Variants in RAI14 observed in about 807,000 individuals in gnomAD.
RAI14 encodes ankycorbin.
RAI14 carries 45 observed loss-of-function variants against 115.4 expected under a neutral mutation model. The observed-to-expected ratio is 0.39, with a 90% confidence interval of 0.31 to 0.50. The LOEUF (loss-of-function observed/expected upper bound fraction) is 0.50, where lower values mean the gene tolerates loss of function less well. Ranked by LOEUF, RAI14 falls within the 20% of genes least tolerant of loss-of-function variation. The pLI, the probability that RAI14 is intolerant of heterozygous loss-of-function variation, is 0.85. For missense variants in RAI14, 939 were observed against 1,131.2 expected, an observed-to-expected ratio of 0.83 and a Z score of 2.44; for synonymous variants, 371 against 415.4, an observed-to-expected ratio of 0.89 and a Z score of 1.30.
chr5:34,724,208 C>G (rs1403702770), intron 2 of RAI14, among the ~76,000 whole-genome samples: 1 of 151,806 alleles, frequency 6.6e-6, no homozygotes, highest in South Asian at 2.1e-4. Context: ...TAGAGTCGGG[C>G]TTTCACCATG....
intron 3 of RAI14, among the ~76,000 whole-genome samples, chr5:34,762,177 C>T (rs1434625700): frequency 6.6e-6 from 1 of 152,076 alleles, no homozygotes; most frequent in African/African-American, 2.4e-5. Context: ...CTGATAATAT[C>T]TTATGGGTAA....
chr5:34,814,753 A>C, intron 12 of RAI14, 84 bp downstream of exon 12: 1 of 1,056,016 alleles, frequency 9.5e-7, no homozygotes, highest in Admixed American at 1.8e-5. Context: ...ACTGGGAAAA[A>C]CAGAATATAC....
intron 1 of RAI14, among the ~76,000 whole-genome samples, chr5:34,678,949 A>G (rs965846490): frequency 7.9e-5 from 12 of 152,202 alleles, no homozygotes; most frequent in Non-Finnish European, 1.6e-4. Flanking sequence ...TCCATAGGAA[A>G]CACATATTAA....
chr5:34,825,661 G>T (rs145954129), intron 15 of RAI14, among the ~76,000 whole-genome samples: 2 of 152,004 alleles, frequency 1.3e-5, no homozygotes, highest in Non-Finnish European at 2.9e-5. Flanking sequence ...GGTGCTGGCC[G>T]TGCTGCTGGA....
intron 1 of RAI14, among the ~76,000 whole-genome samples, chr5:34,682,671 G>A (rs970264580): frequency 1.3e-5 from 2 of 152,092 alleles, no homozygotes; most frequent in African/African-American, 4.8e-5. Context: ...CATATTTCAG[G>A]GACTTATTTT....
intron 2 of RAI14, among the ~76,000 whole-genome samples, chr5:34,724,039 G>A (rs1424175701): frequency 2.0e-5 from 3 of 151,960 alleles, no homozygotes; most frequent in South Asian, 2.1e-4. Flanking sequence ...TTTTTGAGAC[G>A]GAGTTTTCAC....
chr5:34,747,734 G>A (rs774640482), intron 2 of RAI14, among the ~76,000 whole-genome samples: 1 of 152,184 alleles, frequency 6.6e-6, no homozygotes. Flanking sequence ...TTCTTAAAGA[G>A]GTTAATTAAT....
In RAI14 at chr5:34,827,759, G is replaced by A. The variant is rs566222070; in HGVS notation, c.2799+1280G>A. On this transcript the variant is annotated intron_variant, in intron 16 of 17. Coordinates refer to ENST00000265109, the MANE Select transcript of RAI14 (RefSeq NM_015577.3). This position sits in a 1 kb window ranked among gnomAD's most constrained non-coding sequence, Gnocchi z 4.2. ...TTTATACAGTAATTCTTATAATTACGCAACATGTGTTTGTTGAGCTCTTAC... is the reference window on the plus strand; with the variant it reads ...TTTATACAGTAATTCTTATAATTACACAACATGTGTTTGTTGAGCTCTTAC... Among the ~76,000 whole-genome samples the A allele has an allele frequency of 1.8e-4, 27 of 152,274 alleles. No individual in the cohort carries two copies. In the East Asian group the frequency reaches 4.2e-3, roughly 24 times the overall value.
intron 2 of RAI14, among the ~76,000 whole-genome samples, chr5:34,746,347 T>C (rs1484445196): frequency 1.1e-4 from 17 of 151,292 alleles, no homozygotes; most frequent in African/African-American, 3.9e-4. Flanking sequence ...CCTCATGATC[T>C]GCCTGCCTCA....
intron 1 of RAI14, among the ~76,000 whole-genome samples, chr5:34,657,684 C>G (rs1010957160): frequency 1.3e-5 from 2 of 152,166 alleles, no homozygotes; most frequent in Non-Finnish European, 2.9e-5. Flanking sequence ...GAAACGTTGC[C>G]GGATCTCTGG....
Position 34,795,856 on chromosome 5 carries a change from C to T in RAI14, c.168-83C>T, listed in dbSNP as rs879836068. On this transcript the variant is annotated intron_variant, in intron 3 of 17. Transcript: ENST00000265109. ...GGAAGAGAAAGTGTACATGAAATGGCGGGGGGCGGGGGGGAAACTCTGTTG... is the reference window on the plus strand; with the variant it reads ...GGAAGAGAAAGTGTACATGAAATGGTGGGGGGCGGGGGGGAAACTCTGTTG... The T allele has an allele frequency of 1.8e-4, 149 of 833,842 alleles. 1 individual carries two copies. The highest frequency in any genetic ancestry group is 4.5e-4 in the Admixed American group (16 of 35,828). The allele number at this position is 833,842 out of a possible 1,614,324, so 51.7% of individuals were successfully genotyped here. A position where few individuals can be genotyped will look rare whatever the true frequency, so the allele number is the denominator to read the frequency against.
chr5:34,826,251 G>T (rs532748978), intron 15 of RAI14, 79 bp from the exon 16 acceptor site: 6 of 1,413,294 alleles, frequency 4.2e-6, no homozygotes, highest in Admixed American at 2.0e-5. Flanking sequence ...AGATGACTAT[G>T]TTTGAGGCTT....
At chr5:34,705,315 T>C (rs1388505355) in intron 2 of RAI14, among the ~76,000 whole-genome samples, 2 of 152,126 alleles carry the variant, frequency 1.3e-5, no homozygotes, top group Admixed American at 1.3e-4. Flanking sequence ...TGAAAAAAAG[T>C]AAAATATCCC....
chr5:34,706,285 T>A (rs192509881), intron 2 of RAI14, among the ~76,000 whole-genome samples: 11 of 152,364 alleles, frequency 7.2e-5, no homozygotes, highest in Admixed American at 1.3e-4. Context: ...CTTAAAATGT[T>A]TAATCACCCA....
In RAI14 at chr5:34,818,862, G is replaced by A; in HGVS notation, c.994+11G>A. On this transcript the variant is annotated intron_variant, in intron 13 of 17. Transcript: ENST00000265109. ...GTGACAGTACTACAGGTAAGACAAG[G>A]AAGCATCTGTTTTTTTTTTTCCTTC... The A allele has an allele frequency of 6.3e-7, 1 of 1,584,360 alleles. No individual in the cohort carries two copies. Among genetic ancestry groups the A allele is most frequent in the Non-Finnish European group, 8.6e-7 (1 of 1,166,134 alleles).
In RAI14 at chr5:34,791,133, T is replaced by C. The variant is rs1752873522; in HGVS notation, c.168-4806T>C. 6.6e-6 allele frequency among the ~76,000 whole-genome samples: 1 copy of C among 152,226 alleles called. No individual in the cohort carries two copies. The highest frequency in any genetic ancestry group is 1.5e-5 in the Non-Finnish European group (1 of 68,046). Reference sequence around the variant, plus strand: ...TTTTGATGGCTTTTTAATTTTGTTTTTGTAGCAGTTGTTTGTATCCATGTG... The same window carrying C: ...TTTTGATGGCTTTTTAATTTTGTTTCTGTAGCAGTTGTTTGTATCCATGTG... On this transcript the variant is annotated intron_variant, in intron 3 of 17. Transcript: ENST00000265109. The surrounding 1 kb of genome is among the most constrained non-coding windows in gnomAD (Gnocchi z 5.4).
chr5:34,746,983 C>G (rs896841018), intron 2 of RAI14, among the ~76,000 whole-genome samples: 1 of 152,186 alleles, frequency 6.6e-6, no homozygotes, highest in Non-Finnish European at 1.5e-5. Context: ...TTTTTCTCTT[C>G]CCACTGCCAT....
At chr5:34,696,882 G>A (rs2149913688) in intron 2 of RAI14, among the ~76,000 whole-genome samples, 1 of 152,350 alleles carries the variant, frequency 6.6e-6, no homozygotes, top group Admixed American at 6.5e-5. Context: ...TGCAATCCCA[G>A]CACTTTGGGA....
chr5:34,698,401 TTG>T (rs1382192935), intron 2 of RAI14, among the ~76,000 whole-genome samples: 1 of 151,540 alleles, frequency 6.6e-6, no homozygotes, highest in Admixed American at 6.6e-5. Context: ...GTACCTAAAA[TTG>T]TGTGTGTGAT....
Sources: allele counts gnomAD v4.1 joint callset (sites outside exome capture counted in the v4.1 genomes callset), GRCh38; gene constraint gnomAD v4.1.1; non-coding constraint Gnocchi (gnomAD v3.1); transcripts MANE v1.5; gene names NCBI Gene and HGNC (gene_info 2026-07-23, HGNC 2026-07-21).